Variants in HECTD4 observed in about 807,000 individuals in gnomAD.
HECTD4 encodes the protein probable E3 ubiquitin-protein ligase HECTD4.
A neutral mutation model predicts 471.5 loss-of-function variants in HECTD4; 114 were observed. The ratio of observed to expected loss-of-function variants is 0.24; its 90% CI spans 0.21 to 0.28. The LOEUF (loss-of-function observed/expected upper bound fraction) is 0.28, where lower values mean the gene tolerates loss of function less well. HECTD4 is among the 10% of genes least tolerant of loss of function. HECTD4 has a pLI of 1.00. For synonymous variants in HECTD4, 2,012 were observed against 2,256.0 expected (o/e 0.89, Z 3.07); for missense variants, 3,866 against 5,651.5 (o/e 0.68, Z 10.13).
intron 55 of HECTD4, among the ~76,000 whole-genome samples, chr12:112,199,854 T>C (rs2032365327): frequency 6.6e-6 from 1 of 152,114 alleles, no homozygotes; most frequent in African/African-American, 2.4e-5. Context: ...TCCGTAACTT[T>C]CTCCACGCTC....
intron 72 of HECTD4, among the ~76,000 whole-genome samples, chr12:112,164,530 T>A (rs2030846409): frequency 1.3e-5 from 2 of 152,026 alleles, no homozygotes; most frequent in Admixed American, 1.3e-4. Context: ...CCTCTCTCAC[T>A]GGCATGGACC....
At chr12:112,284,957 G>A (rs2034720461) in intron 7 of HECTD4, among the ~76,000 whole-genome samples, 1 of 152,100 alleles carries the variant, frequency 6.6e-6, no homozygotes, top group East Asian at 1.9e-4. Flanking sequence ...CCAGCCTCTC[G>A]AGTAGCTGGG....
rs531321425 is a variant in HECTD4 at position 112,347,425 on chromosome 12, C to T, written c.178-27683G>A. 3.6e-3 allele frequency among the ~76,000 whole-genome samples: 542 copies of T among 152,260 alleles called. 10 individuals carry two copies. The highest frequency in any genetic ancestry group is 1.4e-3 in the Non-Finnish European group (94 of 68,006). On this transcript the variant is annotated intron_variant, in intron 1 of 75. Transcript: ENST00000682272. Reference sequence around the variant, plus strand: ...TTGGGAAGCTGAGGCATAAGAATCGCTTGCAACCCGGGAGGCAGTGGTTGC... The same window carrying T: ...TTGGGAAGCTGAGGCATAAGAATCGTTTGCAACCCGGGAGGCAGTGGTTGC...
In HECTD4 at chr12:112,236,970, G is replaced by A; in HGVS notation, c.5419C>T (p.Leu1807Phe). 10 of 1,612,658 alleles carry A rather than the reference G, an allele frequency of 6.2e-6. No homozygotes were observed. Among genetic ancestry groups the A allele is most frequent in the Non-Finnish European group, 7.6e-6 (9 of 1,179,458 alleles). ...AAGNDALQDVLSLLNDLSRSH... is the reference protein window; with the variant it reads ...AAGNDALQDVFSLLNDLSRSH... Reference sequence around the variant, plus strand: ...CTTGAGAGATCATTGAGAAGACTAAGGACATCCTGGAGCGCGTCATTCCCA... The same window carrying A: ...CTTGAGAGATCATTGAGAAGACTAAAGACATCCTGGAGCGCGTCATTCCCA... Residue 1807 changes from leucine (L) to phenylalanine (F), a missense_variant, in exon 35 of 76, where the codon CTT becomes TTT. Transcript: ENST00000682272.
chr12:112,344,708 C>T (rs1167426788), intron 1 of HECTD4, among the ~76,000 whole-genome samples: 1 of 152,128 alleles, frequency 6.6e-6, no homozygotes, highest in Admixed American at 6.5e-5. Flanking sequence ...CACATGAGGT[C>T]AGGAGTTCAA....
In HECTD4 at chr12:112,228,032, T is replaced by G; in HGVS notation, c.6854+57A>C. 1 of 1,485,244 alleles carries G rather than the reference T, an allele frequency of 6.7e-7. No individual in the cohort carries two copies. The highest frequency in any genetic ancestry group is 1.4e-5 in the South Asian group (1 of 69,090). The allele number at this position is 1,485,244 out of a possible 1,614,324, so 92.0% of individuals were successfully genotyped here. On this transcript the variant is annotated intron_variant, in intron 43 of 75. Coordinates refer to ENST00000682272, the MANE Select transcript of HECTD4 (RefSeq NM_001388303.1). This position sits in a 1 kb window ranked among gnomAD's most constrained non-coding sequence, Gnocchi z 4.9. ...AGTGGAGGGGCCCACCAAGGATCCC[T>G]TCTTCTGTCAGCTTGCACCATGTCA...
intron 7 of HECTD4, among the ~76,000 whole-genome samples, chr12:112,293,082 A>T (rs1473011728): frequency 1.3e-5 from 2 of 151,568 alleles, no homozygotes; most frequent in African/African-American, 4.9e-5. Context: ...ATATCGAATG[A>T]GGGCCAGATG....
chr12:112,191,791 A>C (rs2032088697), intron 59 of HECTD4, among the ~76,000 whole-genome samples: 1 of 152,262 alleles, frequency 6.6e-6, no homozygotes, highest in South Asian at 2.1e-4. Flanking sequence ...CAAATCACTG[A>C]AGAAATGTTC....
intron 7 of HECTD4, among the ~76,000 whole-genome samples, chr12:112,283,532 T>C (rs780506101): frequency 6.6e-6 from 1 of 152,232 alleles, no homozygotes; most frequent in Non-Finnish European, 1.5e-5. Context: ...AATAGGTCTA[T>C]GAAAAGTTGT....
intron 70 of HECTD4, 133 bp downstream of exon 70, chr12:112,169,370 G>A: frequency 9.5e-7 from 1 of 1,050,460 alleles, no homozygotes; most frequent in Non-Finnish European, 1.3e-6. Flanking sequence ...TCTGGGTGCA[G>A]ACCTGGCTTC....
rs2033472249 is a variant in HECTD4, at chr12:112,235,186, C to A, written c.5806G>T (p.Gly1936Ter). Residue 1936 changes from glycine (G) to a stop codon, truncating the protein, a stop_gained, in exon 37 of 76, where the codon GGA becomes TGA. Transcript: ENST00000682272. LOFTEE classifies it high-confidence loss of function. This position sits in a 1 kb window ranked among gnomAD's most constrained non-coding sequence, Gnocchi z 5.0. ...TKTSPKNSLK[G>*]DKDPGEESEA... ...CTCTCTTCTCCAGGATCTTTATCTC[C>A]TTTCAAGGAATTCTTGGGACTGGTT... is the stretch of plus-strand genomic sequence containing the variant. The A allele has an allele frequency of 6.2e-7, 1 of 1,613,904 alleles. No homozygotes were observed. Among genetic ancestry groups the A allele is most frequent in the Non-Finnish European group, 8.5e-7 (1 of 1,179,904 alleles).
chr12:112,211,609 C>G (rs1189541081), intron 49 of HECTD4, among the ~76,000 whole-genome samples: 2 of 151,096 alleles, frequency 1.3e-5, no homozygotes, highest in African/African-American at 4.9e-5. Context: ...AATGAGCTAC[C>G]CAAGGGAAGA....
At chr12:112,172,885 G>C in intron 66 of HECTD4, 24 bp from the exon 67 acceptor site, 1 of 1,606,604 alleles carries the variant, frequency 6.2e-7, no homozygotes, top group South Asian at 1.1e-5. Context: ...CAGGGGGAGA[G>C]GGGCAAAGTG....
intron 7 of HECTD4, among the ~76,000 whole-genome samples, chr12:112,292,049 C>A (rs2034899422): frequency 6.6e-6 from 1 of 152,120 alleles, no homozygotes; most frequent in South Asian, 2.1e-4. Flanking sequence ...CACTTTCCTG[C>A]TCAACAATTT....
intron 9 of HECTD4, among the ~76,000 whole-genome samples, chr12:112,278,583 T>C (rs1250557758): frequency 6.6e-6 from 1 of 152,274 alleles, no homozygotes; most frequent in East Asian, 1.9e-4. Flanking sequence ...GTTTTACATA[T>C]GTATTTTAAT....
intron 1 of HECTD4, among the ~76,000 whole-genome samples, chr12:112,374,997 C>T (rs1190113967): frequency 2.0e-5 from 3 of 152,144 alleles, no homozygotes; most frequent in Non-Finnish European, 4.4e-5. Context: ...AATGTGAAAC[C>T]ATCACCACAA....
intron 1 of HECTD4, among the ~76,000 whole-genome samples, chr12:112,364,457 CA>C (rs1480121984): frequency 1.3e-5 from 2 of 151,716 alleles, no homozygotes; most frequent in African/African-American, 4.8e-5. Context: ...ATGCCAGGAG[CA>C]GCAGCTCAGG....
intron 10 of HECTD4, among the ~76,000 whole-genome samples, chr12:112,274,229 C>G (rs1416265987): frequency 1.3e-5 from 2 of 152,190 alleles, no homozygotes; most frequent in African/African-American, 4.8e-5. Flanking sequence ...TGTTCATTTT[C>G]TAACAATAAC....
At chr12:112,378,020 CTTACAGGG>C (rs1349085308) in intron 1 of HECTD4, among the ~76,000 whole-genome samples, 1 of 152,146 alleles carries the variant, frequency 6.6e-6, no homozygotes, top group Non-Finnish European at 1.5e-5. Context: ...TTGAGCAGCG[CTTACAGGG>C]TGAACAGAAC....
Sources: allele counts gnomAD v4.1 joint callset (sites outside exome capture counted in the v4.1 genomes callset), GRCh38; gene constraint gnomAD v4.1.1; non-coding constraint Gnocchi (gnomAD v3.1); transcripts MANE v1.5; gene names NCBI Gene and HGNC (gene_info 2026-07-23, HGNC 2026-07-21).